SCHIP1: variants seen among roughly 807,000 people sequenced by gnomAD.
SCHIP1 encodes the protein schwannomin interacting protein 1, also known as schwannomin-interacting protein 1.
SCHIP1 carries 8 observed loss-of-function variants against 29.7 expected under a neutral mutation model. The ratio of observed to expected loss-of-function variants is 0.27; its 90% CI spans 0.16 to 0.49. The LOEUF (loss-of-function observed/expected upper bound fraction) is 0.49, where lower values mean the gene tolerates loss of function less well. SCHIP1 is among the 20% of genes least tolerant of loss of function. SCHIP1 has a pLI of 0.99. For missense variants in SCHIP1, 193 were observed against 294.6 expected, an observed-to-expected ratio of 0.66 and a Z score of 2.52; for synonymous variants, 76 against 94.9, an observed-to-expected ratio of 0.80 and a Z score of 1.16.
At chr3:159,750,257 GTGTGTGTATATATATATATATATATATA>G in the SCHIP1 span, among the ~76,000 whole-genome samples, 3 of 135,082 alleles carry the variant, frequency 2.2e-5, no homozygotes, top group African/African-American at 3.0e-5. Flanking sequence ...GTGTGTATGT[GTGTGTGTATATATATATATATATATATA>G]TATATATATA....
the SCHIP1 span, among the ~76,000 whole-genome samples, chr3:159,359,155 T>G: frequency 6.6e-6 from 1 of 152,028 alleles, no homozygotes; most frequent in East Asian, 1.9e-4. Flanking sequence ...CTCGATCTCC[T>G]GACCTCGTGA....
the SCHIP1 span, among the ~76,000 whole-genome samples, chr3:159,392,375 T>C: frequency 6.6e-6 from 1 of 152,120 alleles, no homozygotes; most frequent in Non-Finnish European, 1.5e-5. Context: ...GTTAGTTACA[T>C]ATGTATACAA....
the SCHIP1 span, among the ~76,000 whole-genome samples, chr3:159,741,761 A>C: frequency 0.013 from 2,048 of 152,342 alleles, 45 homozygotes; most frequent in African/African-American, 0.047. Context: ...GTGGAAACCC[A>C]GAGGGCAGCA....
chr3:159,395,678 T>C, the SCHIP1 span, among the ~76,000 whole-genome samples: 29 of 152,316 alleles, frequency 1.9e-4, no homozygotes, highest in Non-Finnish European at 2.9e-4. Flanking sequence ...CACTGTGGTC[T>C]GAGAGATAGT....
At chr3:159,382,190 G>A in the SCHIP1 span, among the ~76,000 whole-genome samples, 1 of 150,442 alleles carries the variant, frequency 6.6e-6, no homozygotes, top group Admixed American at 6.6e-5. Flanking sequence ...CATGTGCCAT[G>A]CTGGTGTGCT....
At chr3:159,799,956 G>C in the SCHIP1 span, among the ~76,000 whole-genome samples, 2 of 152,154 alleles carry the variant, frequency 1.3e-5, no homozygotes, top group East Asian at 3.8e-4. Flanking sequence ...GTCTAGTTCA[G>C]TTGGGACCCC....
the SCHIP1 span, among the ~76,000 whole-genome samples, chr3:159,637,702 T>TTAACATTTTCC: frequency 2.6e-5 from 4 of 152,194 alleles, no homozygotes; most frequent in Non-Finnish European, 5.9e-5. Flanking sequence ...AGTGAAATAA[T>TTAACATTTTCC]TAACATTTTC....
chr3:159,645,132 T>G, the SCHIP1 span, among the ~76,000 whole-genome samples: 2 of 152,118 alleles, frequency 1.3e-5, no homozygotes, highest in Admixed American at 6.6e-5. Flanking sequence ...AAAACGTCAA[T>G]GTAGTTGTTT....
the SCHIP1 span, among the ~76,000 whole-genome samples, chr3:159,543,068 C>CAT: frequency 3.0e-3 from 449 of 149,678 alleles, 2 homozygotes; most frequent in African/African-American, 8.9e-3. Context: ...TGTACACACA[C>CAT]ATATATATAC....
chr3:159,372,607 G>C, the SCHIP1 span, among the ~76,000 whole-genome samples: 1 of 151,816 alleles, frequency 6.6e-6, no homozygotes, highest in Non-Finnish European at 1.5e-5. Flanking sequence ...ATTTAGATTA[G>C]GGTTCAGCAA....
the SCHIP1 span, among the ~76,000 whole-genome samples, chr3:159,345,226 C>CAAAAAAA: frequency 8.5e-6 from 1 of 117,288 alleles, no homozygotes; most frequent in Non-Finnish European, 1.7e-5. Context: ...GACTCTGTCT[C>CAAAAAAA]AAAAAAAAAA....
At chr3:159,825,211 C>G in the SCHIP1 span, among the ~76,000 whole-genome samples, 1 of 151,842 alleles carries the variant, frequency 6.6e-6, no homozygotes, top group African/African-American at 2.4e-5. Flanking sequence ...GCTTTTTTTT[C>G]TTCTTAACTA....
the SCHIP1 span, among the ~76,000 whole-genome samples, chr3:159,442,842 G>T: frequency 6.6e-6 from 1 of 152,288 alleles, no homozygotes; most frequent in East Asian, 1.9e-4. Flanking sequence ...GCACTCCATT[G>T]CTGCAGTTAA....
the SCHIP1 span, among the ~76,000 whole-genome samples, chr3:159,601,728 G>A: frequency 6.6e-6 from 1 of 152,192 alleles, no homozygotes; most frequent in East Asian, 1.9e-4. Context: ...CTTTTTCCCA[G>A]GAGATGCCTT....
the SCHIP1 span, among the ~76,000 whole-genome samples, chr3:159,379,838 C>A: frequency 6.6e-6 from 1 of 152,148 alleles, no homozygotes; most frequent in African/African-American, 2.4e-5. Flanking sequence ...GGAGAGAGGA[C>A]TCTCTGGGAA....
upstream of SCHIP1, among the ~76,000 whole-genome samples, chr3:159,838,173 A>T (rs765490611): frequency 6.6e-6 from 1 of 152,220 alleles, no homozygotes; most frequent in Non-Finnish European, 1.5e-5. Flanking sequence ...AAGGGAGTCG[A>T]ATTGAGATAG....
the SCHIP1 span, among the ~76,000 whole-genome samples, chr3:159,353,328 A>G: frequency 6.6e-6 from 1 of 152,174 alleles, no homozygotes; most frequent in Admixed American, 6.6e-5. Flanking sequence ...TAAAATTAAA[A>G]AAAAAGAGTT....
the SCHIP1 span, among the ~76,000 whole-genome samples, chr3:159,649,571 C>T: frequency 6.6e-6 from 1 of 151,958 alleles, no homozygotes; most frequent in South Asian, 2.1e-4. Flanking sequence ...AAAATCAGTA[C>T]AATTGTATAT....
At chr3:159,288,484 C>A in the SCHIP1 span, among the ~76,000 whole-genome samples, 1 of 152,174 alleles carries the variant, frequency 6.6e-6, no homozygotes, top group South Asian at 2.1e-4. Context: ...GTGCCTGTAA[C>A]CCCAGCACTT....
Sources: allele counts gnomAD v4.1 joint callset (sites outside exome capture counted in the v4.1 genomes callset), GRCh38; gene constraint gnomAD v4.1.1; transcripts MANE v1.5; gene names NCBI Gene and HGNC (gene_info 2026-07-23, HGNC 2026-07-21).